The following ADCY2 variants were observed in gnomAD, a reference collection of about 807,000 sequenced individuals.
ADCY2 encodes the protein adenylate cyclase 2.
A neutral mutation model predicts 125.2 loss-of-function variants in ADCY2; 31 were observed. That is an observed-to-expected ratio of 0.25 (90% CI 0.19 to 0.33). ADCY2 has a LOEUF of 0.33. Ranked by LOEUF, ADCY2 falls within the 10% of genes least tolerant of loss-of-function variation. The pLI, the probability that ADCY2 is intolerant of heterozygous loss-of-function variation, is 1.00. For synonymous variants in ADCY2, 512 were observed against 548.4 expected (o/e 0.93, Z 0.93); for missense variants, 904 against 1,418.2 (o/e 0.64, Z 5.82).
intron 17 of ADCY2, 59 bp downstream of exon 17, chr5:7,766,865 T>C (rs1743399134): frequency 1.3e-6 from 2 of 1,566,224 alleles, no homozygotes; most frequent in East Asian, 2.3e-5. Context: ...GTAGTCTGTA[T>C]AACATATATC....
intron 16 of ADCY2, among the ~76,000 whole-genome samples, chr5:7,765,696 T>C (rs1457925871): frequency 6.6e-6 from 1 of 152,146 alleles, no homozygotes; most frequent in Admixed American, 6.5e-5. Context: ...CCATAGAAAC[T>C]ATAGGGAAAT....
chr5:7,467,011 C>T (rs1302331924), intron 2 of ADCY2, among the ~76,000 whole-genome samples: 5 of 152,106 alleles, frequency 3.3e-5, no homozygotes, highest in Admixed American at 6.5e-5. Context: ...TGGTCAGCCA[C>T]GCATTTTTGA....
chr5:7,722,568 T>C (rs1741793327), intron 12 of ADCY2, among the ~76,000 whole-genome samples: 1 of 152,158 alleles, frequency 6.6e-6, no homozygotes, highest in South Asian at 2.1e-4. Flanking sequence ...TGAAATAGAA[T>C]AATAGTTCTG....
At chr5:7,695,469 G>A (rs1272122606) in intron 5 of ADCY2, among the ~76,000 whole-genome samples, 2 of 152,124 alleles carry the variant, frequency 1.3e-5, no homozygotes, top group African/African-American at 4.8e-5. Context: ...TATAAAAAGA[G>A]GATTATTTTT....
chr5:7,826,324 T>G (rs1279443544), intron 24 of ADCY2, among the ~76,000 whole-genome samples: 1 of 152,086 alleles, frequency 6.6e-6, no homozygotes, highest in African/African-American at 2.4e-5. Flanking sequence ...CCAATCTATT[T>G]TGGTTTACTC....
intron 22 of ADCY2, among the ~76,000 whole-genome samples, chr5:7,810,945 A>AT (rs1744922754): frequency 6.6e-6 from 1 of 152,174 alleles, no homozygotes; most frequent in Non-Finnish European, 1.5e-5. Context: ...TTTCAAACAA[A>AT]TTTTTCTAGG....
At position 7,823,579 on chromosome 5, in the gene ADCY2, C is replaced by T. The variant is rs77698697; in HGVS notation, c.3123+2890C>T. 8.2e-3 allele frequency among the ~76,000 whole-genome samples: 1,242 copies of T among 152,268 alleles called. 13 individuals are homozygous for T. Among genetic ancestry groups the T allele is most frequent in the South Asian group, 0.018 (88 of 4,832 alleles). On this transcript the variant is annotated intron_variant, in intron 24 of 24. Transcript: ENST00000338316. ...GATACTCCTGCAATCCTGGACAACC[C>T]CAGGTCTTATCTTGGCAGGGAAGAG...
At chr5:7,425,716 C>A (rs1740361510) in intron 2 of ADCY2, among the ~76,000 whole-genome samples, 1 of 152,216 alleles carries the variant, frequency 6.6e-6, no homozygotes, top group South Asian at 2.1e-4. Context: ...ACCTGCAAAT[C>A]CAATAAAGGC....
chr5:7,791,162 C>T (rs948257407), intron 20 of ADCY2, among the ~76,000 whole-genome samples: 3 of 151,984 alleles, frequency 2.0e-5, no homozygotes, highest in Admixed American at 6.5e-5. Context: ...TGCAGCCATC[C>T]GTGTGGGAAC....
chr5:7,460,634 G>A (rs1014019890), intron 2 of ADCY2, among the ~76,000 whole-genome samples: 1 of 152,178 alleles, frequency 6.6e-6, no homozygotes, highest in African/African-American at 2.4e-5. Flanking sequence ...GTGTCAAGGA[G>A]AACCTGAATG....
intron 7 of ADCY2, 88 bp downstream of exon 7, chr5:7,698,462 A>G (rs1451846568): frequency 7.9e-6 from 11 of 1,387,142 alleles, no homozygotes; most frequent in Non-Finnish European, 1.1e-5. Flanking sequence ...ACATAGGTAT[A>G]CATGTACTGT....
At chr5:7,804,556 G>A (rs1231419876) in intron 21 of ADCY2, 29 bp from the exon 22 acceptor site, 2 of 1,546,108 alleles carry the variant, frequency 1.3e-6, no homozygotes, top group South Asian at 2.2e-5. Context: ...ATCCAGCTGA[G>A]TAACTGGACG....
At chr5:7,460,303 A>T (rs1278096230) in intron 2 of ADCY2, among the ~76,000 whole-genome samples, 1 of 151,954 alleles carries the variant, frequency 6.6e-6, no homozygotes, top group Non-Finnish European at 1.5e-5. Context: ...ATCACAACTC[A>T]CTGTAACCTT....
At chr5:7,446,736 C>A (rs760000005) in intron 2 of ADCY2, among the ~76,000 whole-genome samples, 1 of 152,152 alleles carries the variant, frequency 6.6e-6, no homozygotes, top group Non-Finnish European at 1.5e-5. Flanking sequence ...TGGATCCATA[C>A]CCACGTGTGT....
At chr5:7,496,749 G>A (rs116010228) in intron 2 of ADCY2, among the ~76,000 whole-genome samples, 6 of 152,200 alleles carry the variant, frequency 3.9e-5, no homozygotes, top group African/African-American at 7.2e-5. Context: ...GATTAATTAC[G>A]TTAGGAGTGA....
At chr5:7,549,285 G>A (rs772216750) in intron 3 of ADCY2, among the ~76,000 whole-genome samples, 2 of 152,202 alleles carry the variant, frequency 1.3e-5, no homozygotes, top group Non-Finnish European at 2.9e-5. Flanking sequence ...CTTTCCTCCA[G>A]ATCCCTGGCG....
intron 22 of ADCY2, among the ~76,000 whole-genome samples, chr5:7,805,296 G>A (rs374743977): frequency 9.9e-5 from 15 of 152,226 alleles, no homozygotes; most frequent in East Asian, 1.9e-4. Context: ...ACTCCAGCCC[G>A]TGTGACAGAG....
intron 24 of ADCY2, among the ~76,000 whole-genome samples, chr5:7,823,462 C>T (rs915729483): frequency 7.9e-5 from 12 of 152,128 alleles, no homozygotes; most frequent in East Asian, 1.9e-4. Flanking sequence ...AATCGTGGGG[C>T]GTTTTGGCAG....
At chr5:7,769,894 G>T (rs1193410704) in intron 17 of ADCY2, among the ~76,000 whole-genome samples, 1 of 152,270 alleles carries the variant, frequency 6.6e-6, no homozygotes, top group Non-Finnish European at 1.5e-5. Flanking sequence ...TAGCAATCAG[G>T]TTACCAGTAA....
Sources: allele counts gnomAD v4.1 joint callset (sites outside exome capture counted in the v4.1 genomes callset), GRCh38; gene constraint gnomAD v4.1.1; transcripts MANE v1.5; gene names NCBI Gene and HGNC (gene_info 2026-07-23, HGNC 2026-07-21).